The following PLXDC2 variants were observed in gnomAD, a reference collection of about 807,000 sequenced individuals.
The protein encoded by PLXDC2 is plexin domain containing 2.
In PLXDC2, 40 loss-of-function variants were observed where a neutral mutation model predicts 68.9. That is an observed-to-expected ratio of 0.58 (90% CI 0.45 to 0.76). The LOEUF is 0.76. Among genes scored for constraint, PLXDC2 ranks in the 30% least tolerant of loss-of-function variants. PLXDC2 has a pLI of 0.00. For missense variants in PLXDC2, 644 were observed against 661.9 expected (o/e 0.97, Z 0.30); for synonymous variants, 243 against 234.2 (o/e 1.04, Z -0.34).
chr10:19,850,635 T>G (rs1837098288), intron 1 of PLXDC2, among the ~76,000 whole-genome samples: 1 of 152,190 alleles, frequency 6.6e-6, no homozygotes, highest in Non-Finnish European at 1.5e-5. Context: ...GCAAACAACC[T>G]GCATTTAAAT....
rs992505681 is a variant in PLXDC2, at chr10:20,222,187, G to A, written c.1312+3085G>A. On this transcript the variant is annotated intron_variant, in intron 12 of 13. Transcript: ENST00000377252. ...ACAAATGACTGCCTTTCCCTACATT[G>A]TCTTTCTTGGTTATTGCATTACTTT... is the stretch of plus-strand genomic sequence containing the variant. Among the ~76,000 whole-genome samples the A allele has an allele frequency of 2.0e-5, 3 of 152,132 alleles. No individual in the cohort carries two copies. The East Asian group carries it at 5.8e-4, about 29-fold the overall frequency.
At chr10:20,050,168 T>C (rs1397213915) in intron 3 of PLXDC2, among the ~76,000 whole-genome samples, 4 of 152,000 alleles carry the variant, frequency 2.6e-5, no homozygotes, top group African/African-American at 9.7e-5. Context: ...ATACAGCAGA[T>C]TGAAGCTGGA....
At chr10:19,975,473 T>TA (rs1454239967) in intron 1 of PLXDC2, among the ~76,000 whole-genome samples, 45 of 151,382 alleles carry the variant, frequency 3.0e-4, no homozygotes, top group Non-Finnish European at 3.1e-4. Flanking sequence ...AATAAATAAA[T>TA]AATTAAAAAT....
intron 1 of PLXDC2, among the ~76,000 whole-genome samples, chr10:19,989,492 T>C (rs543400106): frequency 6.6e-6 from 1 of 152,296 alleles, no homozygotes; most frequent in Admixed American, 6.5e-5. Context: ...TATGTGGTGC[T>C]GAAATCAAGT....
intron 1 of PLXDC2, among the ~76,000 whole-genome samples, chr10:19,969,503 G>T (rs1221981429): frequency 2.6e-5 from 4 of 152,154 alleles, no homozygotes; most frequent in Non-Finnish European, 4.4e-5. Context: ...TGCTAACATT[G>T]TCCAAAATCG....
At chr10:20,211,622 G>C in intron 9 of PLXDC2, 47 bp from the exon 10 acceptor site, 3 of 1,579,492 alleles carry the variant, frequency 1.9e-6, no homozygotes, top group Non-Finnish European at 2.6e-6. Context: ...CCACCACCCT[G>C]CACCCTATCC....
rs150465304 is a variant in PLXDC2, at chr10:20,286,515, A to G, written c.*6696A>G. The G allele has an allele frequency of 2.4e-3, 362 of 152,236 alleles. No individual in the cohort carries two copies. The highest frequency in any genetic ancestry group is 8.5e-3 in the African/African-American group (353 of 41,536). 9.4% of individuals were successfully genotyped at this position (152,236 alleles called of 1,614,324 possible). On this transcript the variant is annotated 3_prime_UTR_variant, in exon 14 of 14. Coordinates refer to ENST00000377252, the MANE Select transcript of PLXDC2 (RefSeq NM_032812.9). ...TTCTCAGCATTGCAAATATATATGT[A>G]TATATACATTCATGACCAAAGTATC...
intron 13 of PLXDC2, among the ~76,000 whole-genome samples, chr10:20,271,063 G>A (rs1408039498): frequency 3.3e-5 from 5 of 151,548 alleles, no homozygotes; most frequent in Non-Finnish European, 7.4e-5. Context: ...TTGTCAACAC[G>A]AAACCTTAGG....
chr10:20,234,319 A>G (rs1183066995), intron 12 of PLXDC2, among the ~76,000 whole-genome samples: 1 of 152,184 alleles, frequency 6.6e-6, no homozygotes, highest in Non-Finnish European at 1.5e-5. Flanking sequence ...TCCCTCAACT[A>G]AACGTGTTCT....
intron 3 of PLXDC2, among the ~76,000 whole-genome samples, 187 bp from the exon 4 acceptor site, chr10:20,067,983 A>T (rs1199958665): frequency 1.3e-5 from 2 of 152,156 alleles, no homozygotes; most frequent in East Asian, 3.8e-4. Flanking sequence ...CTTTTCACAT[A>T]CTTCAAAACT....
intron 1 of PLXDC2, among the ~76,000 whole-genome samples, chr10:19,970,762 G>A (rs1394662276): frequency 6.6e-6 from 1 of 152,176 alleles, no homozygotes; most frequent in East Asian, 1.9e-4. Flanking sequence ...AATTTCTGGG[G>A]AGTGGGATGC....
At chr10:19,889,402 T>A (rs906582890) in intron 1 of PLXDC2, among the ~76,000 whole-genome samples, 3 of 152,250 alleles carry the variant, frequency 2.0e-5, no homozygotes, top group African/African-American at 7.2e-5. Context: ...ATTAAATGAC[T>A]CATTAATTGT....
At chr10:20,260,303 G>A (rs996568888) in intron 13 of PLXDC2, among the ~76,000 whole-genome samples, 3 of 152,078 alleles carry the variant, frequency 2.0e-5, no homozygotes, top group Non-Finnish European at 4.4e-5. Flanking sequence ...AGACTTATTT[G>A]TCGTACATAA....
chr10:19,958,303 C>T (rs565766418), intron 1 of PLXDC2, among the ~76,000 whole-genome samples: 1 of 152,200 alleles, frequency 6.6e-6, no homozygotes, highest in East Asian at 1.9e-4. Context: ...TTTGTTCACA[C>T]CTGTCTCATG....
At chr10:20,203,740 G>A (rs1235826377) in intron 9 of PLXDC2, among the ~76,000 whole-genome samples, 1 of 152,122 alleles carries the variant, frequency 6.6e-6, no homozygotes, top group Non-Finnish European at 1.5e-5. Context: ...GAAAGATTGA[G>A]CCTTTACTTT....
At chr10:20,001,746 G>T (rs1834942927) in intron 1 of PLXDC2, 29 bp from the exon 2 acceptor site, 2 of 1,595,782 alleles carry the variant, frequency 1.3e-6, no homozygotes, top group Non-Finnish European at 1.7e-6. Flanking sequence ...ATAATGAGTG[G>T]TAACCCATTT....
chr10:20,209,588 G>A (rs564385800), intron 9 of PLXDC2, among the ~76,000 whole-genome samples: 1 of 151,996 alleles, frequency 6.6e-6, no homozygotes, highest in Non-Finnish European at 1.5e-5. Context: ...GCTTTTGAAA[G>A]AAGAGAAATA....
intron 6 of PLXDC2, among the ~76,000 whole-genome samples, chr10:20,160,564 G>A (rs1356014625): frequency 1.3e-5 from 2 of 152,002 alleles, no homozygotes. Flanking sequence ...TCTTCCTAGA[G>A]GGTTGGTCAG....
chr10:20,119,145 A>G (rs1257702214), intron 4 of PLXDC2, among the ~76,000 whole-genome samples: 1 of 152,126 alleles, frequency 6.6e-6, no homozygotes, highest in Non-Finnish European at 1.5e-5. Context: ...AGTAACGAAC[A>G]TGTAAGAGAC....
Sources: allele counts gnomAD v4.1 joint callset (sites outside exome capture counted in the v4.1 genomes callset), GRCh38; gene constraint gnomAD v4.1.1; transcripts MANE v1.5; gene names NCBI Gene and HGNC (gene_info 2026-07-23, HGNC 2026-07-21).